The following MID1 variants were observed in gnomAD, a reference collection of about 807,000 sequenced individuals.
The protein encoded by MID1 is midline 1.
MID1 carries 7 observed loss-of-function variants against 40.4 expected under a neutral mutation model. That is an observed-to-expected ratio of 0.17 (90% CI 0.10 to 0.33). The LOEUF (loss-of-function observed/expected upper bound fraction) is 0.33, where lower values mean the gene tolerates loss of function less well. Among genes scored for constraint, MID1 ranks in the 10% least tolerant of loss-of-function variants. The probability of loss-of-function intolerance (pLI) is 1.00; values close to 1 mark genes in which losing one functional copy is unlikely to be tolerated. For synonymous variants in MID1, 229 were observed against 221.2 expected (o/e 1.04, Z -0.31); for missense variants, 367 against 558.5 (o/e 0.66, Z 3.46).
rs1171911084 is a variant in MID1, at chrX:10,777,331, G to A, written c.-187+56223C>T. ...TCCTGCCTCAGCCTCCTGAGTAGCT[G>A]GGACTACAGGCGCCCGCCACCATGC... is the stretch of plus-strand genomic sequence containing the variant. On this transcript the variant is annotated intron_variant, in intron 1 of 10. Coordinates refer to the MID1 transcript ENST00000380785. 2.8e-5 allele frequency among the ~76,000 whole-genome samples: 3 copies of A among 108,295 alleles called. No homozygotes were observed. In the East Asian group the frequency reaches 8.7e-4, roughly 31 times the overall value. The allele number at this position is 108,295 out of a possible 115,157, so 94.0% of individuals were successfully genotyped here.
intron 1 of MID1, among the ~76,000 whole-genome samples, chrX:10,645,529 C>T (rs1046664540): frequency 1.8e-5 from 2 of 111,937 alleles, no homozygotes; most frequent in East Asian, 2.8e-4. Context: ...TACAGAGAAA[C>T]CTTTAGGTCG....
At chrX:10,777,877 A>G (rs948601553) in intron 1 of MID1, among the ~76,000 whole-genome samples, 4 of 111,501 alleles carry the variant, frequency 3.6e-5, no homozygotes, top group African/African-American at 1.3e-4. Flanking sequence ...AGGCCTACAC[A>G]GGGTTAGGAA....
intron 1 of MID1, among the ~76,000 whole-genome samples, chrX:10,716,473 G>A (rs1190532968): frequency 1.8e-5 from 2 of 111,781 alleles, no homozygotes; most frequent in African/African-American, 6.5e-5. Flanking sequence ...ATGAAATGAA[G>A]TGAGAAGAGA....
At chrX:10,518,334 C>T (rs1186410728) in intron 3 of MID1, among the ~76,000 whole-genome samples, 1 of 111,803 alleles carries the variant, frequency 8.9e-6, no homozygotes, top group Non-Finnish European at 1.9e-5. Context: ...AGGGCTTAGA[C>T]TCTGCGAAGT....
intron 1 of MID1, among the ~76,000 whole-genome samples, chrX:10,730,822 C>T (rs2043443509): frequency 9.0e-6 from 1 of 110,877 alleles, no homozygotes; most frequent in Non-Finnish European, 1.9e-5. Context: ...GATCCGCCCA[C>T]GTCGGCCTCC....
intron 1 of MID1, among the ~76,000 whole-genome samples, chrX:10,809,135 C>G (rs772093208): frequency 6.3e-5 from 7 of 111,981 alleles, no homozygotes; most frequent in East Asian, 2.8e-4. Context: ...ACAGACACTT[C>G]TCAAAAGAAG....
intron 1 of MID1, among the ~76,000 whole-genome samples, chrX:10,707,359 T>A (rs2043238396): frequency 9.0e-6 from 1 of 111,691 alleles, no homozygotes; most frequent in African/African-American, 3.3e-5. Context: ...AATTCTGATA[T>A]TCCATTGGTT....
chrX:10,490,200 G>T (rs1337048623), intron 4 of MID1, among the ~76,000 whole-genome samples: 1 of 111,320 alleles, frequency 9.0e-6, no homozygotes, highest in Admixed American at 9.5e-5. Flanking sequence ...TTTTTTAGTC[G>T]TCTTTAATTT....
intron 1 of MID1, among the ~76,000 whole-genome samples, chrX:10,757,535 A>T (rs771293729): frequency 6.8e-4 from 76 of 112,389 alleles, no homozygotes; most frequent in African/African-American, 2.4e-3. Flanking sequence ...GCAATTGCTG[A>T]GGTTTATGCA....
At chrX:10,596,394 CAGTT>C (rs1177312215) in intron 1 of MID1, among the ~76,000 whole-genome samples, 1 of 112,088 alleles carries the variant, frequency 8.9e-6, no homozygotes, top group Non-Finnish European at 1.9e-5. Flanking sequence ...TGTGACCTCA[CAGTT>C]AGCGAGTTCA....
intron 4 of MID1, among the ~76,000 whole-genome samples, chrX:10,484,861 TAGC>T (rs761549162): frequency 5.4e-5 from 6 of 111,447 alleles, no homozygotes; most frequent in Non-Finnish European, 1.1e-4. Context: ...GAAAAGCAAA[TAGC>T]AGAGTGCATT....
intron 1 of MID1, among the ~76,000 whole-genome samples, chrX:10,632,959 T>C (rs1470885863): frequency 2.7e-5 from 3 of 111,888 alleles, no homozygotes; most frequent in Non-Finnish European, 5.6e-5. Context: ...CTCATGTAAC[T>C]GCACAGGTTG....
intron 3 of MID1, among the ~76,000 whole-genome samples, chrX:10,504,697 A>G (rs142046185): frequency 9.6e-4 from 106 of 110,978 alleles, no homozygotes; most frequent in African/African-American, 3.4e-3. Context: ...TCCTGATGCA[A>G]TTTTGGATGG....
chrX:10,656,975 C>T (rs1315070984), intron 1 of MID1, among the ~76,000 whole-genome samples: 1 of 110,630 alleles, frequency 9.0e-6, no homozygotes, highest in Non-Finnish European at 1.9e-5. Context: ...ATCCAACTGC[C>T]AGTCTCTACA....
At chrX:10,542,136 A>G (rs1253747217) in intron 2 of MID1, among the ~76,000 whole-genome samples, 2 of 112,457 alleles carry the variant, frequency 1.8e-5, no homozygotes, top group African/African-American at 6.5e-5. Flanking sequence ...CAATGTACAT[A>G]TAAGAAGCAT....
At chrX:10,570,920 T>C (rs984274867) in intron 1 of MID1, among the ~76,000 whole-genome samples, 3 of 112,256 alleles carry the variant, frequency 2.7e-5, no homozygotes, top group African/African-American at 9.7e-5. Flanking sequence ...AAAATCATTC[T>C]CAGAGAGGTA....
intron 2 of MID1, among the ~76,000 whole-genome samples, chrX:10,548,392 G>A (rs1933780713): frequency 9.0e-6 from 1 of 111,638 alleles, no homozygotes; most frequent in Non-Finnish European, 1.9e-5. Flanking sequence ...GTCAATTTGT[G>A]AAAAACAAAT....
rs147732980 is a variant in MID1 at position 10,446,361 on chromosome X, A to G, written c.*3007T>C. ...CACGGTCACTGGAGGACGTTAGTTCAGTTCCTCAGCAAGTTTAAGGTCAAT... is the reference window on the plus strand; with the variant it reads ...CACGGTCACTGGAGGACGTTAGTTCGGTTCCTCAGCAAGTTTAAGGTCAAT... On this transcript the variant is annotated 3_prime_UTR_variant, in exon 10 of 10. Transcript: ENST00000317552. The G allele has an allele frequency of 3.0e-3, 332 of 112,135 alleles. No individual in the cohort carries two copies. Among genetic ancestry groups the G allele is most frequent in the African/African-American group, 9.9e-3 (305 of 30,855 alleles). 9.2% of individuals were successfully genotyped at this position (112,135 alleles called of 1,213,427 possible).
chrX:10,688,121 C>T (rs1445022286), intron 1 of MID1, among the ~76,000 whole-genome samples: 2 of 111,602 alleles, frequency 1.8e-5, no homozygotes, highest in African/African-American at 6.5e-5. Context: ...CAGCCTCCTA[C>T]GTAGCTGGGA....
Sources: gnomAD v4.1 joint callset for allele counts (sites outside exome capture counted in the v4.1 genomes callset) on GRCh38, gnomAD v4.1.1 for gene constraint, MANE v1.5 for transcripts, NCBI Gene and HGNC (gene_info 2026-07-23, HGNC 2026-07-21) for gene names.